The following CFAP20 variants were observed in gnomAD, a reference collection of about 807,000 sequenced individuals.
CFAP20 encodes the protein cilia and flagella associated protein 20.
CFAP20 carries 14 observed loss-of-function variants against 25.5 expected under a neutral mutation model. The observed-to-expected ratio is 0.55, with a 90% confidence interval of 0.36 to 0.86. The LOEUF is 0.86. Ranked by LOEUF, CFAP20 falls within the 40% of genes least tolerant of loss-of-function variation. The pLI is 0.01. For synonymous variants in CFAP20, 75 were observed against 91.1 expected (o/e 0.82, Z 1.01); for missense variants, 181 against 248.0 (o/e 0.73, Z 1.81).
In CFAP20 at chr16:58,115,412, A is replaced by G. The variant is rs1468010309; in HGVS notation, c.322T>C (p.Tyr108His). The G allele has an allele frequency of 6.2e-7, 1 of 1,614,110 alleles. No homozygotes were observed. Residue 108 changes from tyrosine to histidine, a missense_variant, in exon 4 of 6, where the codon TAC becomes CAC. By Grantham distance (83) the Tyr-to-His change is moderately conservative. Transcript: ENST00000262498. ...NVRRRFRASN[Y>H]QSTTRVKPFI... ...GGTTTGACCCGGGTGGTGCTCTGGTAGTTACTTGCCCGAAAGCGACGACGC... is the reference window on the plus strand; with the variant it reads ...GGTTTGACCCGGGTGGTGCTCTGGTGGTTACTTGCCCGAAAGCGACGACGC...
intron 1 of CFAP20, among the ~76,000 whole-genome samples, chr16:58,120,248 G>T (rs1055652407): frequency 3.3e-5 from 5 of 152,202 alleles, no homozygotes; most frequent in African/African-American, 1.2e-4. Context: ...TTTAAAACGG[G>T]ACAAACTGCA....
intron 4 of CFAP20, 167 bp downstream of exon 4, chr16:58,115,102 C>T: frequency 9.2e-7 from 1 of 1,081,490 alleles, no homozygotes; most frequent in Non-Finnish European, 1.4e-6. Flanking sequence ...CTATACCTGA[C>T]CCGACTTCTG....
intron 1 of CFAP20, among the ~76,000 whole-genome samples, chr16:58,126,798 C>A (rs1331772678): frequency 6.6e-6 from 1 of 152,216 alleles, no homozygotes; most frequent in South Asian, 2.1e-4. Context: ...GTTCCCCCTA[C>A]TGGATTGAAT....
At chr16:58,118,811 G>C (rs932529150) in intron 1 of CFAP20, among the ~76,000 whole-genome samples, 5 of 152,188 alleles carry the variant, frequency 3.3e-5, no homozygotes, top group Admixed American at 3.3e-4. Context: ...GACAGAGTGA[G>C]ATCCTGTCTC....
At chr16:58,116,973 T>C (rs1465124084) in intron 1 of CFAP20, 22 bp from the exon 2 acceptor site, 2 of 1,605,256 alleles carry the variant, frequency 1.2e-6, no homozygotes, top group Non-Finnish European at 8.5e-7. Context: ...AAAATTCGAT[T>C]AGTACTGAAA....
chr16:58,120,918 T>G (rs927895032), intron 1 of CFAP20, among the ~76,000 whole-genome samples: 2 of 152,180 alleles, frequency 1.3e-5, no homozygotes, highest in Non-Finnish European at 2.9e-5. Flanking sequence ...AGTATCCCCA[T>G]GTGAAAAGTC....
At chr16:58,122,306 C>T (rs915660895) in intron 1 of CFAP20, among the ~76,000 whole-genome samples, 5 of 152,186 alleles carry the variant, frequency 3.3e-5, no homozygotes, top group East Asian at 3.8e-4. Context: ...TTCGGACGGG[C>T]GCGGTGGCTC....
rs1420981764 is a variant in CFAP20 at position 58,129,283 on chromosome 16, G to A, written c.-168C>T. ...GCCACTGATGGCCGGACTCGGACGCGGCAACGCTAAGTCCGCGATCTTCAG... is the reference window on the plus strand; with the variant it reads ...GCCACTGATGGCCGGACTCGGACGCAGCAACGCTAAGTCCGCGATCTTCAG... On this transcript the variant is annotated 5_prime_UTR_variant, in exon 1 of 6. Transcript: ENST00000262498. 1.2e-5 allele frequency: 8 copies of A among 666,612 alleles called. No individual in the cohort carries two copies. In the Admixed American group the frequency reaches 1.7e-4, roughly 14 times the overall value. 41.3% of individuals were successfully genotyped at this position (666,612 alleles called of 1,614,324 possible).
At chr16:58,121,203 G>A (rs1960530265) in intron 1 of CFAP20, among the ~76,000 whole-genome samples, 1 of 152,110 alleles carries the variant, frequency 6.6e-6, no homozygotes. Flanking sequence ...ATATTATAAA[G>A]GTCTTCCAGG....
Position 58,113,869 on chromosome 16 carries a change from G to A in CFAP20, c.*156C>T, listed in dbSNP as rs1960416377. 3.6e-6 allele frequency: 3 copies of A among 839,314 alleles called. No individual in the cohort carries two copies. In the Middle Eastern group the frequency reaches 7.0e-4, roughly 195 times the overall value. 52.0% of individuals were successfully genotyped at this position (839,314 alleles called of 1,614,324 possible). On this transcript the variant is annotated 3_prime_UTR_variant, in exon 6 of 6. Transcript: ENST00000262498. ...CAATGCAGTCACAGAGTTACGGCAT[G>A]TTCACCGGTGTCCATGACAAGCAAC...
Position 58,129,237 on chromosome 16 carries a change from C to G in CFAP20, c.-122G>C, listed in dbSNP as rs907554762. The stretch of plus-strand genomic sequence containing the variant: ...CCTGTTCCGAAGAAGGGTGGTTGAG[C>G]TCCTGGCCTCCGGATCTGCAGCCAC... On this transcript the variant is annotated 5_prime_UTR_variant, in exon 1 of 6. Coordinates refer to ENST00000262498, the MANE Select transcript of CFAP20 (RefSeq NM_013242.3). The G allele has an allele frequency of 2.0e-6, 2 of 1,022,280 alleles. No homozygotes were observed. 63.3% of individuals were successfully genotyped at this position (1,022,280 alleles called of 1,614,324 possible). A position where few individuals can be genotyped will look rare whatever the true frequency, so the allele number is the denominator to read the frequency against.
At chr16:58,128,986 G>A (rs1436152707) in intron 1 of CFAP20, 46 bp downstream of exon 1, 4 of 1,582,588 alleles carry the variant, frequency 2.5e-6, no homozygotes, top group Non-Finnish European at 3.5e-6. Context: ...GGACGAGGAG[G>A]GGGTGCAGCC....
intron 1 of CFAP20, among the ~76,000 whole-genome samples, chr16:58,128,138 T>G (rs569094204): frequency 6.6e-6 from 1 of 152,290 alleles, no homozygotes; most frequent in East Asian, 1.9e-4. Flanking sequence ...GCCTGGGAAT[T>G]TGCATGAAGA....
At position 58,129,333 on chromosome 16, in the gene CFAP20, G is replaced by A. The variant is rs956047861; in HGVS notation, c.-218C>T. ...GCTCCTAAGCTGCGAGCTCAGAACG[G>A]AAACCACAGCAACTACCGTCCGCGC... On this transcript the variant is annotated 5_prime_UTR_variant, in exon 1 of 6. Transcript: ENST00000262498. 6 of 548,166 alleles carry A rather than the reference G, an allele frequency of 1.1e-5. No individual in the cohort carries two copies. Among genetic ancestry groups the A allele is most frequent in the African/African-American group, 1.9e-5 (1 of 52,720 alleles). 34.0% of individuals were successfully genotyped at this position (548,166 alleles called of 1,614,324 possible). A position where few individuals can be genotyped will look rare whatever the true frequency, so the allele number is the denominator to read the frequency against.
rs1483884511 is a variant in CFAP20, at chr16:58,116,152, G to A, written c.165C>T (p.Ser55=). Residue 55 remains serine, a splice_region_variant and synonymous_variant, in exon 3 of 6, where the codon AGC becomes AGT. Transcript: ENST00000262498. ...CTGCAGGGCATGTGATATATGTGGT[G>A]CTGTAGAGAGAGGAAATACTAATAA... ...LVLEIEGTNV[S]TTYITCPADP... 2 of 1,598,718 alleles carry A rather than the reference G, an allele frequency of 1.3e-6. No homozygotes were observed. Among genetic ancestry groups the A allele is most frequent in the South Asian group, 1.1e-5 (1 of 90,788 alleles).
At position 58,114,794 on chromosome 16, in the gene CFAP20, G is replaced by T; in HGVS notation, c.576+16C>A. Reference sequence around the variant, plus strand: ...CCACTCACTGGTGGACCTTCCTCTGGGGAAGACTGGCTTACCTTTGCCTTG... The same window carrying T: ...CCACTCACTGGTGGACCTTCCTCTGTGGAAGACTGGCTTACCTTTGCCTTG... On this transcript the variant is annotated intron_variant, in intron 5 of 5. Coordinates refer to ENST00000262498, the MANE Select transcript of CFAP20 (RefSeq NM_013242.3). 6.3e-7 allele frequency: 1 copy of T among 1,593,476 alleles called. No individual in the cohort carries two copies. The highest frequency in any genetic ancestry group is 1.1e-5 in the South Asian group (1 of 90,580).
intron 1 of CFAP20, 21 bp downstream of exon 1, chr16:58,129,011 C>T: frequency 6.2e-7 from 1 of 1,611,096 alleles, no homozygotes; most frequent in South Asian, 1.1e-5. Context: ...CACCCCGCCC[C>T]GTCGCCGCCC....
In CFAP20 at chr16:58,116,159, A is replaced by G. The variant is rs369645269; in HGVS notation, c.165-7T>C. 1.3e-6 allele frequency: 2 copies of G among 1,587,780 alleles called. No individual in the cohort carries two copies. Among genetic ancestry groups the G allele is most frequent in the African/African-American group, 2.7e-5 (2 of 74,364 alleles). On this transcript the variant is annotated splice_polypyrimidine_tract_variant and splice_region_variant and intron_variant, in intron 2 of 5. Coordinates refer to ENST00000262498, the MANE Select transcript of CFAP20 (RefSeq NM_013242.3). ...GCATGTGATATATGTGGTGCTGTAGAGAGAGGAAATACTAATAAACACACT... is the reference window on the plus strand; with the variant it reads ...GCATGTGATATATGTGGTGCTGTAGGGAGAGGAAATACTAATAAACACACT...
chr16:58,115,139 A>G (rs1960439894), intron 4 of CFAP20, 130 bp downstream of exon 4: 1 of 1,347,692 alleles, frequency 7.4e-7, no homozygotes, highest in African/African-American at 1.4e-5. Context: ...TTGTGAGGCC[A>G]AAGCTCCCTG....
Sources: allele counts gnomAD v4.1 joint callset (sites outside exome capture counted in the v4.1 genomes callset), GRCh38; gene constraint gnomAD v4.1.1; transcripts MANE v1.5; gene names NCBI Gene and HGNC (gene_info 2026-07-23, HGNC 2026-07-21).